Variants in FAM13A observed in about 807,000 individuals in gnomAD.
FAM13A encodes the protein protein FAM13A.
A neutral mutation model predicts 129.6 loss-of-function variants in FAM13A; 76 were observed. That is an observed-to-expected ratio of 0.59 (90% CI 0.49 to 0.71). FAM13A has a LOEUF of 0.71. Among genes scored for constraint, FAM13A ranks in the 30% least tolerant of loss-of-function variants. The probability of loss-of-function intolerance (pLI) is 0.00; values close to 1 mark genes in which losing one functional copy is unlikely to be tolerated. For missense variants in FAM13A, 1,108 were observed against 1,249.3 expected, an observed-to-expected ratio of 0.89 and a Z score of 1.70; for synonymous variants, 443 against 449.9, an observed-to-expected ratio of 0.98 and a Z score of 0.20.
chr4:88,771,471 T>C (rs1560948320), intron 11 of FAM13A, among the ~76,000 whole-genome samples: 1 of 152,180 alleles, frequency 6.6e-6, no homozygotes, highest in South Asian at 2.1e-4. Context: ...TATTGAGTCA[T>C]TGTCTTTTGA....
chr4:88,980,120 C>T (rs926124093), intron 4 of FAM13A, among the ~76,000 whole-genome samples: 1 of 152,038 alleles, frequency 6.6e-6, no homozygotes, highest in Non-Finnish European at 1.5e-5. Flanking sequence ...CCATGATAAA[C>T]AACAGTAAGT....
intron 13 of FAM13A, among the ~76,000 whole-genome samples, chr4:88,765,139 T>C (rs565965755): frequency 6.6e-6 from 1 of 152,316 alleles, no homozygotes; most frequent in East Asian, 1.9e-4. Context: ...TCTCTCTGCC[T>C]GTCTCTAAAG....
chr4:88,847,131 GA>G (rs1182919426), intron 7 of FAM13A, among the ~76,000 whole-genome samples: 5 of 152,196 alleles, frequency 3.3e-5, no homozygotes, highest in African/African-American at 1.2e-4. Flanking sequence ...ACAGGAAGTT[GA>G]AAAAGTTTCT....
intron 2 of FAM13A, among the ~76,000 whole-genome samples, chr4:89,028,917 T>G (rs1768342060): frequency 6.6e-6 from 1 of 151,414 alleles, no homozygotes; most frequent in South Asian, 2.1e-4. Flanking sequence ...TTTTACTGTA[T>G]AATGTACTAT....
chr4:89,027,065 A>G (rs1385661664), intron 2 of FAM13A, among the ~76,000 whole-genome samples: 1 of 152,208 alleles, frequency 6.6e-6, no homozygotes, highest in Non-Finnish European at 1.5e-5. Context: ...CCGGCAGGGG[A>G]TATGTTCCAA....
At chr4:88,855,056 TCC>T (rs1435764568) in intron 6 of FAM13A, among the ~76,000 whole-genome samples, 1 of 152,152 alleles carries the variant, frequency 6.6e-6, no homozygotes, top group African/African-American at 2.4e-5. Flanking sequence ...TTTCATTTGT[TCC>T]GAGGAGTAAG....
intron 7 of FAM13A, among the ~76,000 whole-genome samples, chr4:88,810,493 T>C (rs1490403442): frequency 1.3e-5 from 2 of 152,106 alleles, no homozygotes; most frequent in Admixed American, 6.6e-5. Flanking sequence ...CCAGGCAGAA[T>C]ATCATGTGAA....
chr4:88,897,320 G>A (rs115752127), intron 6 of FAM13A, among the ~76,000 whole-genome samples: 1 of 152,232 alleles, frequency 6.6e-6, no homozygotes. Flanking sequence ...TGAGCTAGCA[G>A]GGCTGGGAAT....
chr4:88,942,295 G>C (rs951836581), intron 4 of FAM13A, among the ~76,000 whole-genome samples: 5 of 152,174 alleles, frequency 3.3e-5, no homozygotes, highest in African/African-American at 9.7e-5. Flanking sequence ...GGCTGGGTAT[G>C]GTGGCTCATG....
At chr4:88,916,982 T>C (rs1313290525) in intron 5 of FAM13A, among the ~76,000 whole-genome samples, 3 of 152,226 alleles carry the variant, frequency 2.0e-5, no homozygotes, top group African/African-American at 7.2e-5. Context: ...AGCTGGCTAA[T>C]AGGCATTCAA....
intron 19 of FAM13A, among the ~76,000 whole-genome samples, chr4:88,746,051 C>A (rs1159995128): frequency 1.3e-5 from 2 of 152,054 alleles, no homozygotes; most frequent in Non-Finnish European, 2.9e-5. Flanking sequence ...TATTCTGGAA[C>A]CTTCTTTATT....
chr4:88,874,267 A>T (rs1741976335), intron 6 of FAM13A, among the ~76,000 whole-genome samples: 1 of 152,198 alleles, frequency 6.6e-6, no homozygotes, highest in African/African-American at 2.4e-5. Context: ...CCTATTCAAT[A>T]TAGGGTTGGA....
chr4:88,973,740 G>C (rs1667949622), intron 4 of FAM13A, among the ~76,000 whole-genome samples: 1 of 152,134 alleles, frequency 6.6e-6, no homozygotes, highest in African/African-American at 2.4e-5. Flanking sequence ...ACTGGGTAAA[G>C]GGAACTGCTG....
chr4:88,991,473 C>T (rs1210723872), intron 3 of FAM13A, among the ~76,000 whole-genome samples: 3 of 152,020 alleles, frequency 2.0e-5, no homozygotes, highest in Non-Finnish European at 2.9e-5. Flanking sequence ...AAAAGAATTA[C>T]TAACTTATGC....
intron 8 of FAM13A, among the ~76,000 whole-genome samples, chr4:88,800,897 A>G (rs1239228431): frequency 6.6e-6 from 1 of 152,104 alleles, no homozygotes; most frequent in Non-Finnish European, 1.5e-5. Context: ...TTTTGAATAA[A>G]TATAATGTCT....
chr4:89,049,978 G>A (rs551289266), intron 1 of FAM13A, among the ~76,000 whole-genome samples: 1 of 152,194 alleles, frequency 6.6e-6, no homozygotes, highest in Admixed American at 6.6e-5. Context: ...CAAGAGGCAA[G>A]AAATACAAAT....
At chr4:88,782,476 A>G (rs912179309) in intron 10 of FAM13A, among the ~76,000 whole-genome samples, 1 of 152,176 alleles carries the variant, frequency 6.6e-6, no homozygotes, top group African/African-American at 2.4e-5. Context: ...GAGTAAAAAT[A>G]CATATCATAT....
chr4:88,857,998 T>G (rs1018690708), intron 6 of FAM13A, among the ~76,000 whole-genome samples: 1 of 152,246 alleles, frequency 6.6e-6, no homozygotes, highest in Non-Finnish European at 1.5e-5. Flanking sequence ...TGCTCTTATT[T>G]TAGAACTTTC....
intron 4 of FAM13A, among the ~76,000 whole-genome samples, chr4:88,971,783 T>C (rs1017446627): frequency 1.3e-5 from 2 of 152,226 alleles, no homozygotes; most frequent in African/African-American, 2.4e-5. Context: ...TTGCTGAGAT[T>C]ACAGGCATGA....
Sources: gnomAD v4.1 joint callset for allele counts (sites outside exome capture counted in the v4.1 genomes callset) on GRCh38, gnomAD v4.1.1 for gene constraint, MANE v1.5 for transcripts, NCBI Gene and HGNC (gene_info 2026-07-23, HGNC 2026-07-21) for gene names.